GLI2: variants seen among roughly 807,000 people sequenced by gnomAD.
GLI2 encodes the protein GLI family zinc finger 2.
Under a neutral mutation model 78.9 loss-of-function variants are expected in GLI2, and 22 were observed. The ratio of observed to expected loss-of-function variants is 0.28; its 90% CI spans 0.20 to 0.40. The LOEUF (loss-of-function observed/expected upper bound fraction) is 0.40. GLI2 is among the 10% of genes least tolerant of loss of function. GLI2 has a pLI of 1.00. For synonymous variants in GLI2, 974 were observed against 963.7 expected (o/e 1.01, Z -0.20); for missense variants, 2,097 against 2,213.2 (o/e 0.95, Z 1.05).
intron 4 of GLI2, among the ~76,000 whole-genome samples, chr2:120,953,745 C>G (rs762399559): frequency 1.3e-5 from 2 of 152,058 alleles, no homozygotes; most frequent in Non-Finnish European, 2.9e-5. Flanking sequence ...ATTGGATTTT[C>G]GGAGGCCAGG....
chr2:120,886,183 T>G (rs1018758959), intron 2 of GLI2, among the ~76,000 whole-genome samples: 1 of 86,190 alleles, frequency 1.2e-5, no homozygotes, highest in Non-Finnish European at 2.1e-5. Context: ...TGTGTGTGTG[T>G]GTGTGTGTGT....
rs1683162053 is a variant in GLI2, at chr2:120,759,830, C to A, written c.-31+23545C>A. ...GTGACCGGCTTCCATCCTGAAACTA[C>A]CTAGGGCCTACCTAGTTACAGTCAA... On this transcript the variant is annotated intron_variant, in intron 1 of 13. Coordinates refer to ENST00000361492, the MANE Select transcript of GLI2 (RefSeq NM_001374353.1). 2.0e-5 allele frequency among the ~76,000 whole-genome samples: 3 copies of A among 152,214 alleles called. No individual in the cohort carries two copies. In the South Asian group the frequency reaches 6.2e-4, roughly 32 times the overall value.
At chr2:120,802,395 G>A (rs1684746689) in intron 2 of GLI2, among the ~76,000 whole-genome samples, 1 of 152,182 alleles carries the variant, frequency 6.6e-6, no homozygotes, top group African/African-American at 2.4e-5. Context: ...AGCCTGGGAG[G>A]GCGAGTTCTT....
chr2:120,741,045 A>T (rs1196497526), intron 1 of GLI2, among the ~76,000 whole-genome samples: 5 of 152,144 alleles, frequency 3.3e-5, no homozygotes, highest in African/African-American at 9.6e-5. Context: ...CTTACCCGCC[A>T]TGTCCTCCTG....
intron 5 of GLI2, among the ~76,000 whole-genome samples, chr2:120,962,277 G>C (rs186032107): frequency 6.6e-6 from 1 of 152,136 alleles, no homozygotes; most frequent in Admixed American, 6.5e-5. Flanking sequence ...TCTCCCTCCT[G>C]AGCACCTTGG....
intron 1 of GLI2, among the ~76,000 whole-genome samples, chr2:120,768,395 G>A (rs1172218346): frequency 6.6e-6 from 1 of 152,250 alleles, no homozygotes; most frequent in African/African-American, 2.4e-5. Flanking sequence ...GCTACTGTGG[G>A]TGGGCCTGTT....
chr2:120,793,541 AC>A (rs1281154209), intron 1 of GLI2, among the ~76,000 whole-genome samples: 3 of 152,088 alleles, frequency 2.0e-5, no homozygotes, highest in African/African-American at 7.2e-5. Flanking sequence ...CCTGGTGTTT[AC>A]CTAGAAATTG....
rs1447888951 is a variant in GLI2 at position 120,991,734 on chromosome 2, G to C, written c.*1059G>C. ...CCCCAGCACTCACCAGCAGCCCAGT[G>C]TTCTCCACCAAGCCACAGTGTGCAT... On this transcript the variant is annotated 3_prime_UTR_variant, in exon 14 of 14. Transcript: ENST00000361492. 1 of 152,756 alleles carries C rather than the reference G, an allele frequency of 6.5e-6. No individual in the cohort carries two copies. Among genetic ancestry groups the C allele is most frequent in the Non-Finnish European group, 1.5e-5 (1 of 68,162 alleles). The allele number at this position is 152,756 out of a possible 1,614,324, so 9.5% of individuals were successfully genotyped here. A position where few individuals can be genotyped will look rare whatever the true frequency, so the allele number is the denominator to read the frequency against.
intron 8 of GLI2, chr2:120,972,742 AG>A (rs1339698225): frequency 7.8e-6 from 4 of 509,722 alleles, no homozygotes; most frequent in Non-Finnish European, 1.2e-5. Context: ...TGGCGTGGTG[AG>A]GGGGGAAGAC....
intron 2 of GLI2, among the ~76,000 whole-genome samples, chr2:120,926,120 G>A (rs1573613517): frequency 8.0e-6 from 1 of 125,632 alleles, no homozygotes; most frequent in African/African-American, 3.0e-5. Context: ...GTAAATTTCA[G>A]ATGTCTTTAC....
chr2:120,923,302 TGCATATGTACACATACAACACACACATG>T (rs1679483934), intron 2 of GLI2, among the ~76,000 whole-genome samples: 1 of 9,748 alleles, frequency 1.0e-4, no homozygotes, highest in South Asian at 5.2e-3. Context: ...TACACAGCAA[TGCATATGTACACATACAACACACACATG>T]CACATAAACA....
intron 2 of GLI2, among the ~76,000 whole-genome samples, chr2:120,907,823 C>T (rs528220866): frequency 2.0e-5 from 3 of 152,200 alleles, no homozygotes; most frequent in East Asian, 1.9e-4. Context: ...ATATGAAGTG[C>T]CTACAACCGT....
chr2:120,930,115 C>T lies in GLI2; in HGVS notation c.254+2649C>T, dbSNP rs550644858. ...CCTGGGCAATGCTGAGAGCTTTGTG[C>T]AGAGACAGTCCATGCTGGAGTGCTT... On this transcript the variant is annotated intron_variant, in intron 3 of 13. Transcript: ENST00000361492. 2.6e-5 allele frequency among the ~76,000 whole-genome samples: 4 copies of T among 152,304 alleles called. No individual in the cohort carries two copies. In the South Asian group the frequency reaches 8.3e-4, roughly 32 times the overall value.
At chr2:120,786,542 G>A (rs1199854938) in intron 1 of GLI2, among the ~76,000 whole-genome samples, 2 of 146,664 alleles carry the variant, frequency 1.4e-5, no homozygotes, top group African/African-American at 2.5e-5. Context: ...GCGCTTTTAA[G>A]AGATAAACAC....
intron 1 of GLI2, among the ~76,000 whole-genome samples, chr2:120,787,867 C>A (rs958827011): frequency 4.6e-5 from 7 of 152,164 alleles, no homozygotes; most frequent in African/African-American, 1.7e-4. Context: ...CCGAGTGGAA[C>A]AAGCACATTA....
chr2:120,982,542 C>T (rs1165521546), intron 10 of GLI2, among the ~76,000 whole-genome samples, 174 bp from the exon 11 acceptor site: 2 of 152,144 alleles, frequency 1.3e-5, no homozygotes, highest in African/African-American at 2.4e-5. Flanking sequence ...TCTCTTTGTA[C>T]CTTTCAGCCC....
chr2:120,946,394 G>T (rs1280536069), intron 3 of GLI2, among the ~76,000 whole-genome samples: 1 of 152,176 alleles, frequency 6.6e-6, no homozygotes, highest in Non-Finnish European at 1.5e-5. Flanking sequence ...TGTGCCACTG[G>T]TTGATTGTGC....
chr2:120,764,728 G>A lies in GLI2; in HGVS notation c.-31+28443G>A, dbSNP rs146658211. On this transcript the variant is annotated intron_variant, in intron 1 of 13. Coordinates refer to ENST00000361492, the MANE Select transcript of GLI2 (RefSeq NM_001374353.1). ...TGGTTTTTCCAGATGTTAAAAGTGCGTGTTGCTATTTCGAAGACTCTGAAA... is the reference window on the plus strand; with the variant it reads ...TGGTTTTTCCAGATGTTAAAAGTGCATGTTGCTATTTCGAAGACTCTGAAA... 3.9e-5 allele frequency among the ~76,000 whole-genome samples: 6 copies of A among 152,328 alleles called. No individual in the cohort carries two copies. The East Asian group carries it at 5.8e-4, about 15-fold the overall frequency.
chr2:120,861,225 G>A (rs1687885983), intron 2 of GLI2, among the ~76,000 whole-genome samples: 1 of 152,208 alleles, frequency 6.6e-6, no homozygotes, highest in African/African-American at 2.4e-5. Flanking sequence ...ATTCCATTCT[G>A]TGCTGTCTGT....
Sources: gnomAD v4.1 joint callset for allele counts (sites outside exome capture counted in the v4.1 genomes callset) on GRCh38, gnomAD v4.1.1 for gene constraint, MANE v1.5 for transcripts, NCBI Gene and HGNC (gene_info 2026-07-23, HGNC 2026-07-21) for gene names.